The following CCDC80 variants were observed in gnomAD, a reference collection of about 807,000 sequenced individuals.
The protein encoded by CCDC80 is coiled-coil domain-containing protein 80.
CCDC80 carries 49 observed loss-of-function variants against 78.7 expected under a neutral mutation model. The ratio of observed to expected loss-of-function variants is 0.62; its 90% CI spans 0.50 to 0.79. The LOEUF is 0.79. Ranked by LOEUF, CCDC80 falls within the 30% of genes least tolerant of loss-of-function variation. CCDC80 has a pLI of 0.00. For synonymous variants in CCDC80, 488 were observed against 447.0 expected (o/e 1.09, Z -1.16); for missense variants, 1,205 against 1,198.6 (o/e 1.01, Z -0.08).
intron 3 of CCDC80, among the ~76,000 whole-genome samples, chr3:112,620,029 A>T (rs1935830548): frequency 1.3e-5 from 2 of 152,238 alleles, no homozygotes; most frequent in Non-Finnish European, 2.9e-5. Context: ...GATAACAGGA[A>T]AATTACCAAT....
chr3:112,621,732 G>A, intron 3 of CCDC80, among the ~76,000 whole-genome samples: 1 of 152,150 alleles, frequency 6.6e-6, no homozygotes, highest in East Asian at 1.9e-4. Flanking sequence ...CTAGATCTCT[G>A]ACAATTGATC....
Position 112,603,858 on chromosome 3 carries a change from A to T in CCDC80, c.*1559T>A, listed in dbSNP as rs1935419317. 6.6e-6 allele frequency: 1 copy of T among 152,172 alleles called. No individual in the cohort carries two copies. Among genetic ancestry groups the T allele is most frequent in the Non-Finnish European group, 1.5e-5 (1 of 68,050 alleles). The allele number at this position is 152,172 out of a possible 1,614,324, so 9.4% of individuals were successfully genotyped here. A position where few individuals can be genotyped will look rare whatever the true frequency, so the allele number is the denominator to read the frequency against. ...TCTAGATGCTGTTAAGAACATCGTG[A>T]TTCATGGGAGAAGGTCAAAATAGGA... On this transcript the variant is annotated 3_prime_UTR_variant, in exon 8 of 8. Coordinates refer to ENST00000206423, the MANE Select transcript of CCDC80 (RefSeq NM_199511.3).
chr3:112,620,369 G>A (rs1428576853), intron 3 of CCDC80, among the ~76,000 whole-genome samples: 1 of 152,156 alleles, frequency 6.6e-6, no homozygotes, highest in Non-Finnish European at 1.5e-5. Context: ...GAGCCTAGAT[G>A]AGAACCAAGC....
intron 3 of CCDC80, among the ~76,000 whole-genome samples, chr3:112,625,418 C>T (rs1935946479): frequency 1.3e-5 from 2 of 152,168 alleles, no homozygotes. Flanking sequence ...TGGAAAGATG[C>T]ACACACAATT....
chr3:112,605,965 C>G (rs546147156), intron 7 of CCDC80, among the ~76,000 whole-genome samples: 1 of 152,196 alleles, frequency 6.6e-6, no homozygotes, highest in Non-Finnish European at 1.5e-5. Flanking sequence ...CGATTAGGGT[C>G]AAACTTTGGG....
chr3:112,618,671 G>T (rs570254725), intron 4 of CCDC80, among the ~76,000 whole-genome samples: 5 of 152,246 alleles, frequency 3.3e-5, no homozygotes, highest in African/African-American at 1.2e-4. Flanking sequence ...CCAGGACCTC[G>T]CACATCATAG....
At position 112,610,100 on chromosome 3, in the gene CCDC80, A is replaced by C; in HGVS notation, c.2322-19T>G. On this transcript the variant is annotated intron_variant, in intron 5 of 7. Coordinates refer to ENST00000206423, the MANE Select transcript of CCDC80 (RefSeq NM_199511.3). ...CCGGAACCTGGAAAAAAAAAGCAGGACACCATTACTGCTTACTGCTTCAAA... is the reference window on the plus strand; with the variant it reads ...CCGGAACCTGGAAAAAAAAAGCAGGCCACCATTACTGCTTACTGCTTCAAA... 6.3e-7 allele frequency: 1 copy of C among 1,595,980 alleles called. No individual in the cohort carries two copies. The highest frequency in any genetic ancestry group is 1.1e-5 in the South Asian group (1 of 90,616).
Position 112,607,263 on chromosome 3 carries a change from G to A in CCDC80, c.2426-7C>T, listed in dbSNP as rs1935532380. 3.1e-6 allele frequency: 5 copies of A among 1,603,706 alleles called. No homozygotes were observed. Among genetic ancestry groups the A allele is most frequent in the East Asian group, 2.2e-5 (1 of 44,804 alleles). Reference sequence around the variant, plus strand: ...ATGGTTATGTGGCGCAGACCTGAGAGAAAAAAGAAAACCATAGGATTAGAG... The same window carrying A: ...ATGGTTATGTGGCGCAGACCTGAGAAAAAAAAGAAAACCATAGGATTAGAG... On this transcript the variant is annotated splice_region_variant and splice_polypyrimidine_tract_variant and intron_variant, in intron 6 of 7. Coordinates refer to ENST00000206423, the MANE Select transcript of CCDC80 (RefSeq NM_199511.3).
intron 5 of CCDC80, among the ~76,000 whole-genome samples, chr3:112,615,900 A>G (rs1935729852): frequency 6.6e-6 from 1 of 152,180 alleles, no homozygotes; most frequent in South Asian, 2.1e-4. Context: ...TATCATCAAG[A>G]AATAACCATA....
At chr3:112,609,653 A>G (rs1935585510) in intron 6 of CCDC80, among the ~76,000 whole-genome samples, 1 of 150,798 alleles carries the variant, frequency 6.6e-6, no homozygotes, top group Non-Finnish European at 1.5e-5. Context: ...ACCTAAGTGA[A>G]TGGTAATACC....
Position 112,639,115 on chromosome 3 carries a change from C to A in CCDC80, c.791G>T (p.Gly264Val), listed in dbSNP as rs1360763257. 6.2e-7 allele frequency: 1 copy of A among 1,614,134 alleles called. No homozygotes were observed. The highest frequency in any genetic ancestry group is 8.5e-7 in the Non-Finnish European group (1 of 1,180,028). The change falls in exon 2 of 8, where the codon GGC (glycine) becomes GTC (valine). Residue 264 changes from glycine to valine, a missense_variant. Transcript: ENST00000206423. ...LEAMYEVIDQGPIRRIEKIRQ... is the reference protein window; with the variant it reads ...LEAMYEVIDQVPIRRIEKIRQ... Reference sequence around the variant, plus strand: ...GATCTTCTCGATCCTACGGATGGGGCCTTGGTCGATGACCTCGTACATGGC... The same window carrying A: ...GATCTTCTCGATCCTACGGATGGGGACTTGGTCGATGACCTCGTACATGGC...
rs202239232 is a variant in CCDC80 at position 112,638,987 on chromosome 3, C to A, written c.919G>T (p.Gly307Cys). Residue 307 changes from glycine (G) to cysteine (C), a missense_variant, in exon 2 of 8, where the codon GGC becomes TGC. Coordinates refer to ENST00000206423, the MANE Select transcript of CCDC80 (RefSeq NM_199511.3). ...GGGGAGRPSL[G>C]SEKKKEDPRR... ...GGGTCCTCTTTCTTCTTCTCGCTGC[C>A]CAGGCTTGGCCTTCCTGCTCCCCCT... 1.2e-6 allele frequency: 2 copies of A among 1,611,794 alleles called. No homozygotes were observed. Among genetic ancestry groups the A allele is most frequent in the African/African-American group, 1.3e-5 (1 of 74,988 alleles).
At chr3:112,607,109 T>A in intron 7 of CCDC80, 67 bp downstream of exon 7, 1 of 1,195,218 alleles carries the variant, frequency 8.4e-7, no homozygotes, top group Non-Finnish European at 1.2e-6. Flanking sequence ...ACTGCTTGCA[T>A]ATAACTTAAT....
intron 3 of CCDC80, among the ~76,000 whole-genome samples, chr3:112,629,208 T>A (rs974760671): frequency 3.3e-5 from 5 of 152,020 alleles, no homozygotes; most frequent in Non-Finnish European, 7.4e-5. Flanking sequence ...TTTCAAGTGC[T>A]TTTAGATGAA....
Position 112,605,363 on chromosome 3 carries a change from T to C in CCDC80, c.*54A>G. On this transcript the variant is annotated 3_prime_UTR_variant, in exon 8 of 8. Transcript: ENST00000206423. ...GTGGAAGAATGGAGCTGGCCACATG[T>C]AGTTTTAGCAGCTGCAGAGGAAACT... The C allele has an allele frequency of 8.1e-7, 1 of 1,234,698 alleles. No individual in the cohort carries two copies. The highest frequency in any genetic ancestry group is 1.2e-6 in the Non-Finnish European group (1 of 863,254). 76.5% of individuals were successfully genotyped at this position (1,234,698 alleles called of 1,614,324 possible).
chr3:112,616,585 G>C, intron 5 of CCDC80, 125 bp downstream of exon 5: 1 of 1,106,292 alleles, frequency 9.0e-7, no homozygotes. Flanking sequence ...GAGATGGGTA[G>C]GTTTTTCTCC....
chr3:112,629,322 G>T (rs1430933784), intron 3 of CCDC80, among the ~76,000 whole-genome samples: 1 of 151,108 alleles, frequency 6.6e-6, no homozygotes, highest in Non-Finnish European at 1.5e-5. Flanking sequence ...CAACAAAACA[G>T]TAGAAAGTGC....
At chr3:112,609,289 A>G (rs1269602831) in intron 6 of CCDC80, among the ~76,000 whole-genome samples, 1 of 152,198 alleles carries the variant, frequency 6.6e-6, no homozygotes, top group Non-Finnish European at 1.5e-5. Flanking sequence ...CTCTCTCAGG[A>G]CACTAGAATA....
chr3:112,626,995 A>T (rs1935988902), intron 3 of CCDC80, among the ~76,000 whole-genome samples: 1 of 152,220 alleles, frequency 6.6e-6, no homozygotes, highest in Non-Finnish European at 1.5e-5. Flanking sequence ...GAAAGAAGTT[A>T]TCAAAAAACT....
Sources: gnomAD v4.1 joint callset for allele counts (sites outside exome capture counted in the v4.1 genomes callset) on GRCh38, gnomAD v4.1.1 for gene constraint, MANE v1.5 for transcripts, NCBI Gene and HGNC (gene_info 2026-07-23, HGNC 2026-07-21) for gene names.